Variants in ZNF280D observed in about 807,000 individuals in gnomAD.
ZNF280D encodes zinc finger protein 280D.
ZNF280D carries 39 observed loss-of-function variants against 94.7 expected under a neutral mutation model. That is an observed-to-expected ratio of 0.41 (90% CI 0.32 to 0.54). The LOEUF (loss-of-function observed/expected upper bound fraction) is 0.54. ZNF280D is among the 20% of genes least tolerant of loss of function. ZNF280D has a pLI of 0.22. For synonymous variants in ZNF280D, 398 were observed against 377.6 expected, an observed-to-expected ratio of 1.05 and a Z score of -0.63; for missense variants, 1,090 against 1,149.3, an observed-to-expected ratio of 0.95 and a Z score of 0.75.
In ZNF280D at chr15:56,686,658, T is replaced by C. The variant is rs1167972704; in HGVS notation, c.780+2383A>G. On this transcript the variant is annotated intron_variant, in intron 9 of 21. Transcript: ENST00000267807. ...CTATATTTGGTTGATAAATATCGAA[T>C]TCCATACCCCAAAGGAGAAGTAATA... 3.3e-5 allele frequency among the ~76,000 whole-genome samples: 5 copies of C among 152,174 alleles called. No individual in the cohort carries two copies. The East Asian group carries it at 9.6e-4, about 29-fold the overall frequency.
chr15:56,689,779 A>C (rs1325845104), intron 7 of ZNF280D, among the ~76,000 whole-genome samples: 1 of 151,788 alleles, frequency 6.6e-6, no homozygotes. Flanking sequence ...ATTCCAAGCC[A>C]AAAAAAAAAG....
chr15:56,653,565 G>C, intron 19 of ZNF280D: 1 of 1,509,954 alleles, frequency 6.6e-7, no homozygotes, highest in Admixed American at 2.1e-5. Context: ...GGTATACCCT[G>C]GATATTTTTT....
intron 1 of ZNF280D, among the ~76,000 whole-genome samples, chr15:56,720,006 C>A (rs2058264914): frequency 6.6e-6 from 1 of 151,304 alleles, no homozygotes; most frequent in African/African-American, 2.4e-5. Flanking sequence ...AGGGTAGTGG[C>A]TGGCTGAAGG....
At chr15:56,707,034 G>T in intron 3 of ZNF280D, 48 bp downstream of exon 3, 1 of 1,572,856 alleles carries the variant, frequency 6.4e-7, no homozygotes, top group Non-Finnish European at 8.7e-7. Flanking sequence ...GAGGTAAAGT[G>T]ATACAAAAGC....
At chr15:56,653,611 G>C in intron 19 of ZNF280D, 1 of 1,472,524 alleles carries the variant, frequency 6.8e-7, no homozygotes, top group Non-Finnish European at 9.0e-7. Flanking sequence ...TGAAAAATAA[G>C]AAAAATAGCA....
chr15:56,687,396 T>C (rs1482923662), intron 9 of ZNF280D, among the ~76,000 whole-genome samples: 1 of 152,130 alleles, frequency 6.6e-6, no homozygotes, highest in African/African-American at 2.4e-5. Flanking sequence ...TCTCTCCAGA[T>C]GCAGAGATAT....
intron 13 of ZNF280D, among the ~76,000 whole-genome samples, chr15:56,671,568 G>C (rs1275214790): frequency 6.6e-6 from 1 of 152,072 alleles, no homozygotes; most frequent in Non-Finnish European, 1.5e-5. Flanking sequence ...AAGCTGTTTT[G>C]GTTACTATAG....
intron 19 of ZNF280D, chr15:56,652,489 TAAAC>T (rs1410468532): frequency 4.8e-5 from 18 of 377,344 alleles, no homozygotes; most frequent in Non-Finnish European, 6.6e-5. Context: ...CTGAGGCACT[TAAAC>T]AATATAATTT....
At chr15:56,667,579 G>A (rs2054381385) in intron 14 of ZNF280D, among the ~76,000 whole-genome samples, 1 of 152,094 alleles carries the variant, frequency 6.6e-6, no homozygotes, top group African/African-American at 2.4e-5. Context: ...TTCAGAATGA[G>A]AAAATGTTTA....
intron 19 of ZNF280D, among the ~76,000 whole-genome samples, chr15:56,647,890 A>AT (rs775523495): frequency 1.1e-4 from 17 of 152,152 alleles, no homozygotes; most frequent in Non-Finnish European, 1.6e-4. Context: ...TGACTCCTCC[A>AT]TTTTTAATAC....
chr15:56,652,963 T>A (rs1596358399), intron 19 of ZNF280D: 1 of 912,318 alleles, frequency 1.1e-6, no homozygotes, highest in Non-Finnish European at 1.3e-6. Flanking sequence ...AAAATAGACA[T>A]CATAAAATAG....
At chr15:56,733,180 G>C (rs550847878) in intron 1 of ZNF280D, among the ~76,000 whole-genome samples, 1 of 152,216 alleles carries the variant, frequency 6.6e-6, no homozygotes, top group Admixed American at 6.5e-5. Context: ...GGTGGCGGAG[G>C]AGCAGAAGGC....
In ZNF280D at chr15:56,708,925, T is replaced by C. The variant is rs1296982012; in HGVS notation, c.-85-1619A>G. ...AAACCCTAGAAGAAAACCTAGGCAA[T>C]ACCATTCAGGACCTAGGCATGGGCA... On this transcript the variant is annotated intron_variant, in intron 1 of 21. Transcript: ENST00000267807. 7.2e-5 allele frequency among the ~76,000 whole-genome samples: 11 copies of C among 152,244 alleles called. No homozygotes were observed. The East Asian group carries it at 1.4e-3, about 19-fold the overall frequency.
At chr15:56,681,885 A>C (rs1484673018) in intron 10 of ZNF280D, among the ~76,000 whole-genome samples, 1 of 152,136 alleles carries the variant, frequency 6.6e-6, no homozygotes, top group East Asian at 1.9e-4. Context: ...AACCTGAACA[A>C]ACACAGAGTG....
At position 56,685,858 on chromosome 15, in the gene ZNF280D, T is replaced by A. The variant is rs777779575; in HGVS notation, c.780+3183A>T. 2.1e-4 allele frequency among the ~76,000 whole-genome samples: 32 copies of A among 152,006 alleles called. 1 individual carries two copies. Among genetic ancestry groups the A allele is most frequent in the Non-Finnish European group, 3.8e-4 (26 of 67,988 alleles). ...TTTAACAGAACTAAGACCAAATAAATCTATCATATTGGTAAATCTAAACCC... is the reference window on the plus strand; with the variant it reads ...TTTAACAGAACTAAGACCAAATAAAACTATCATATTGGTAAATCTAAACCC... On this transcript the variant is annotated intron_variant, in intron 9 of 21. Coordinates refer to ENST00000267807, the MANE Select transcript of ZNF280D (RefSeq NM_017661.4).
Position 56,631,704 on chromosome 15 carries a change from C to T in ZNF280D, c.2734G>A (p.Glu912Lys), listed in dbSNP as rs749621490. The change falls in exon 22 of 22, where the codon GAG becomes AAG. Residue 912 changes from glutamate (E) to lysine (K), a missense_variant. By Grantham distance (56) the Glu-to-Lys change is moderately conservative. Coordinates refer to ENST00000267807, the MANE Select transcript of ZNF280D (RefSeq NM_017661.4). ...EPESVSSDVS[E>K]QGSIHLEPLT... ...GGTTCCAAATGAATACTGCCTTGCT[C>T]GCTAACATCAGAACTAACAGATTCA... 11 of 1,614,000 alleles carry T rather than the reference C, an allele frequency of 6.8e-6. No homozygotes were observed. Among genetic ancestry groups the T allele is most frequent in the African/African-American group, 1.3e-5 (1 of 74,912 alleles).
intron 1 of ZNF280D, among the ~76,000 whole-genome samples, chr15:56,714,410 A>C (rs200302386): frequency 1.2e-4 from 19 of 152,220 alleles, no homozygotes; most frequent in African/African-American, 4.6e-4. Context: ...TAAAAAGGGA[A>C]TATATGGATA....
chr15:56,712,232 A>C (rs1478393694), intron 1 of ZNF280D, among the ~76,000 whole-genome samples: 4 of 152,238 alleles, frequency 2.6e-5, no homozygotes, highest in Admixed American at 6.5e-5. Context: ...ATATAAACAT[A>C]ACACACTGTT....
At position 56,727,771 on chromosome 15, in the gene ZNF280D, T is replaced by C. The variant is rs570118421; in HGVS notation, c.-86+5687A>G. 1.1e-3 allele frequency among the ~76,000 whole-genome samples: 167 copies of C among 152,326 alleles called. 2 individuals are homozygous for C. Among genetic ancestry groups the C allele is most frequent in the African/African-American group, 3.7e-3 (154 of 41,582 alleles). On this transcript the variant is annotated intron_variant, in intron 1 of 21. Coordinates refer to ENST00000267807, the MANE Select transcript of ZNF280D (RefSeq NM_017661.4). ...AGACAGCAGCACTTTAGACTCTTAA[T>C]GATGGTAGTGAAAATGACTTTATAA...
Sources: gnomAD v4.1 joint callset for allele counts (sites outside exome capture counted in the v4.1 genomes callset) on GRCh38, gnomAD v4.1.1 for gene constraint, MANE v1.5 for transcripts, NCBI Gene and HGNC (gene_info 2026-07-23, HGNC 2026-07-21) for gene names.